Variants in FIGNL2 observed in about 807,000 individuals in gnomAD.
The protein encoded by FIGNL2 is fidgetin-like protein 2.
For synonymous variants in FIGNL2, 565 were observed against 484.0 expected (o/e 1.17, Z -2.20); for missense variants, 1,060 against 950.2 (o/e 1.12, Z -1.52).
chr12:51,822,133 C>T lies in FIGNL2; in HGVS notation c.281G>A (p.Gly94Glu). 6.2e-7 allele frequency: 1 copy of T among 1,611,104 alleles called. No homozygotes were observed. The highest frequency in any genetic ancestry group is 8.5e-7 in the Non-Finnish European group (1 of 1,178,848). ...CGGCCCTGGCCAGGGCTCGGGATCC[C>T]CTTTGGCGCCGTTGAGGAAGGAGGC... is the stretch of plus-strand genomic sequence containing the variant. ...SDASFLNGAK[G>E]DPEPWPGPEP... The change falls in exon 2 of 2, where the codon GGG (glycine) becomes GAG (glutamate). Residue 94 changes from glycine (G) to glutamate (E), a missense_variant. Transcript: ENST00000618634.
chr12:51,841,247 G>T, intron 1 of FIGNL2: 1 of 152,380 alleles, frequency 6.6e-6, no homozygotes, highest in Non-Finnish European at 1.5e-5. Context: ...CTGGGGGGAG[G>T]GTGCTAGGAA....
chr12:51,834,739 C>T (rs559624039), intron 1 of FIGNL2, among the ~76,000 whole-genome samples: 2 of 152,212 alleles, frequency 1.3e-5, no homozygotes, highest in East Asian at 1.9e-4. Context: ...GCGGTCAGGG[C>T]CACAGCCAAG....
chr12:51,819,793 T>G lies in FIGNL2; in HGVS notation c.*659A>C, dbSNP rs1939125934. On this transcript the variant is annotated 3_prime_UTR_variant, in exon 2 of 2. Transcript: ENST00000618634. ...ATCCCCCTAGACCCTAGGTTTCAGA[T>G]GGGTAGAGGGGTAACCCTCCTCCTC... is the stretch of plus-strand genomic sequence containing the variant. The G allele has an allele frequency of 6.5e-6, 1 of 152,682 alleles. No homozygotes were observed. The highest frequency in any genetic ancestry group is 1.9e-4 in the East Asian group (1 of 5,168). The allele number at this position is 152,682 out of a possible 1,614,324, so 9.5% of individuals were successfully genotyped here.
Position 51,821,505 on chromosome 12 carries a change from T to C in FIGNL2, c.909A>G (p.Glu303=). Reference sequence around the variant, plus strand: ...TGGCCCGGAACCCGTTGCCCCGACATTCGCCGTTGTCCGCGGCGGGGTAGG... The same window carrying C: ...TGGCCCGGAACCCGTTGCCCCGACACTCGCCGTTGTCCGCGGCGGGGTAGG... ...GASYPAADNG[E]CRGNGFRAKP... The change falls in exon 2 of 2, where the codon GAA becomes GAG. Residue 303 remains glutamate (E), a synonymous_variant. Transcript: ENST00000618634. 6.4e-7 allele frequency: 1 copy of C among 1,558,402 alleles called. No homozygotes were observed.
Position 51,820,610 on chromosome 12 carries a change from A to T in FIGNL2, c.1804T>A (p.Cys602Ser). ...CCCGCCCCGGCCGCCGCCTGCTGGC[A>T]CAGCTGCCCCAGCTCGCCCCCAGAG... is the stretch of plus-strand genomic sequence containing the variant. ...GFSGGELGQLCQQAAAGAGLP... is the reference protein window; with the variant it reads ...GFSGGELGQLSQQAAAGAGLP... The change falls in exon 2 of 2, where the codon TGC (cysteine) becomes AGC (serine). Residue 602 changes from cysteine (C) to serine (S), a missense_variant. By Grantham distance (112) the Cys-to-Ser change is moderately radical. Transcript: ENST00000618634. The T allele has an allele frequency of 6.6e-7, 1 of 1,525,356 alleles. No individual in the cohort carries two copies. The allele number at this position is 1,525,356 out of a possible 1,614,324, so 94.5% of individuals were successfully genotyped here. A position where few individuals can be genotyped will look rare whatever the true frequency, so the allele number is the denominator to read the frequency against.
At chr12:51,845,305 A>G (rs1939729408) in intron 1 of FIGNL2, among the ~76,000 whole-genome samples, 1 of 152,218 alleles carries the variant, frequency 6.6e-6, no homozygotes, top group Non-Finnish European at 1.5e-5. Flanking sequence ...CTTTGACTGC[A>G]GGGAAAGGCT....
intron 1 of FIGNL2, chr12:51,847,060 C>T: frequency 1.0e-6 from 1 of 985,358 alleles, no homozygotes; most frequent in Non-Finnish European, 1.2e-6. Flanking sequence ...CCGCCCGGTA[C>T]CCGCGTCCCA....
At chr12:51,826,337 T>A (rs1939342102) in intron 1 of FIGNL2, among the ~76,000 whole-genome samples, 1 of 151,990 alleles carries the variant, frequency 6.6e-6, no homozygotes, top group South Asian at 2.1e-4. Context: ...CTTTCAATAA[T>A]CTAACCAGGG....
Position 51,847,396 on chromosome 12 carries a change from G to C in FIGNL2, c.-12+1144C>G, listed in dbSNP as rs910416199. 8.1e-6 allele frequency: 8 copies of C among 985,354 alleles called. No homozygotes were observed. In the Admixed American group the frequency reaches 3.1e-4, roughly 38 times the overall value. The allele number at this position is 985,354 out of a possible 1,614,324, so 61.0% of individuals were successfully genotyped here. ...TGGAACCGGGTCCCCACTCCTCGCTGCCGGGCGGAAAGCAGGAGACCGCTC... is the reference window on the plus strand; with the variant it reads ...TGGAACCGGGTCCCCACTCCTCGCTCCCGGGCGGAAAGCAGGAGACCGCTC... On this transcript the variant is annotated intron_variant, in intron 1 of 1. Transcript: ENST00000618634.
chr12:51,824,913 G>A lies in FIGNL2; in HGVS notation c.-11-2489C>T, dbSNP rs182976134. Among the ~76,000 whole-genome samples, 902 of 151,968 alleles carry A rather than the reference G, an allele frequency of 5.9e-3. 4 individuals carry two copies. The highest frequency in any genetic ancestry group is 0.01 in the Non-Finnish European group (686 of 67,858). ...ACAAAAATTAGCCGGGCGTAGTGGC[G>A]GGTGCCTGTCATCCCAGCTACTCAG... On this transcript the variant is annotated intron_variant, in intron 1 of 1. Coordinates refer to ENST00000618634, the MANE Select transcript of FIGNL2 (RefSeq NM_001384995.1).
intron 1 of FIGNL2, chr12:51,841,745 G>C (rs1198249391): frequency 6.6e-6 from 1 of 152,312 alleles, no homozygotes; most frequent in African/African-American, 2.4e-5. Context: ...AGACTCTGCA[G>C]AGAGTGATCA....
intron 1 of FIGNL2, chr12:51,825,686 G>A (rs566325464): frequency 6.7e-6 from 1 of 148,932 alleles, no homozygotes; most frequent in Non-Finnish European, 1.5e-5. Context: ...GCGCGATCTC[G>A]GCTCACTGCA....
intron 1 of FIGNL2, 40 bp from the exon 2 acceptor site, chr12:51,822,464 C>T: frequency 6.2e-7 from 1 of 1,606,248 alleles, no homozygotes; most frequent in Non-Finnish European, 8.5e-7. Context: ...GGTCTAGCCA[C>T]CGAGGACCCA....
intron 1 of FIGNL2, among the ~76,000 whole-genome samples, chr12:51,834,983 A>G (rs1373911750): frequency 6.6e-6 from 1 of 152,226 alleles, no homozygotes; most frequent in African/African-American, 2.4e-5. Flanking sequence ...AAGCTGTAAG[A>G]GGGGAAGTGG....
chr12:51,847,414 G>C (rs1338849386), intron 1 of FIGNL2: 1 of 985,370 alleles, frequency 1.0e-6, no homozygotes. Flanking sequence ...GAAAGCAGGA[G>C]ACCGCTCCGC....
chr12:51,845,418 A>G (rs2139004045), intron 1 of FIGNL2: 3 of 961,586 alleles, frequency 3.1e-6, no homozygotes, highest in Non-Finnish European at 3.7e-6. Context: ...AGGCTAAGGT[A>G]GCAGATGCCA....
intron 1 of FIGNL2, chr12:51,847,492 T>C (rs887400376): frequency 1.0e-6 from 1 of 985,448 alleles, no homozygotes; most frequent in Non-Finnish European, 1.2e-6. Flanking sequence ...TAGGTATCCA[T>C]GGAGACAGGG....
chr12:51,833,225 A>G (rs1168591943), intron 1 of FIGNL2, among the ~76,000 whole-genome samples: 1 of 151,608 alleles, frequency 6.6e-6, no homozygotes, highest in Non-Finnish European at 1.5e-5. Flanking sequence ...TAATTTTTAA[A>G]ATTTTTTTGT....
rs758255468 is a variant in FIGNL2 at position 51,822,054 on chromosome 12, C to T, written c.360G>A (p.Ser120=). Residue 120 remains serine, a synonymous_variant, in exon 2 of 2, where the codon TCG becomes TCA. Transcript: ENST00000618634. ...GGGCCCCGGAACCGCCGCCACCGCC[C>T]GATTTGGTTCCTGGGAGGCCTTCGT... The part of the protein sequence containing the change: ...SLHEGLPGTK[S]GGGGGSGALG... 2.5e-5 allele frequency: 40 copies of T among 1,609,794 alleles called. No homozygotes were observed. The highest frequency in any genetic ancestry group is 1.7e-4 in the Middle Eastern group (1 of 6,048).
Sources: allele counts gnomAD v4.1 joint callset (sites outside exome capture counted in the v4.1 genomes callset), GRCh38; gene constraint gnomAD v4.1.1; transcripts MANE v1.5; gene names NCBI Gene and HGNC (gene_info 2026-07-23, HGNC 2026-07-21).